Variants in INSL6 observed in about 807,000 individuals in gnomAD.
The protein encoded by INSL6 is insulin like 6.
Under a neutral mutation model 9.4 loss-of-function variants are expected in INSL6, and 16 were observed. That is an observed-to-expected ratio of 1.70 (90% CI 1.15 to 2.59). The LOEUF is 2.59. Among genes scored for constraint, INSL6 ranks in the 30% most tolerant of loss-of-function variants. The probability of loss-of-function intolerance (pLI) is 0.00; values close to 1 mark genes in which losing one functional copy is unlikely to be tolerated. For synonymous variants in INSL6, 154 were observed against 96.9 expected, an observed-to-expected ratio of 1.59 and a Z score of -3.46; for missense variants, 391 against 257.3, an observed-to-expected ratio of 1.52 and a Z score of -3.56.
the INSL6 span, among the ~76,000 whole-genome samples, chr9:5,093,548 A>G: frequency 6.6e-6 from 1 of 152,214 alleles, no homozygotes; most frequent in Non-Finnish European, 1.5e-5. Context: ...ACTTTAATTC[A>G]TTAATGCAAA....
chr9:5,077,016 G>C, the INSL6 span, among the ~76,000 whole-genome samples: 1 of 151,852 alleles, frequency 6.6e-6, no homozygotes, highest in Admixed American at 6.6e-5. Context: ...ATTAAATGGA[G>C]CTAGAACTCA....
chr9:5,006,568 C>T, the INSL6 span, among the ~76,000 whole-genome samples: 2 of 152,072 alleles, frequency 1.3e-5, no homozygotes, highest in Admixed American at 6.5e-5. Context: ...CTGGGAAGGC[C>T]TCAGGAAATT....
At chr9:5,017,802 TTTG>T in the INSL6 span, among the ~76,000 whole-genome samples, 140 of 152,306 alleles carry the variant, frequency 9.2e-4, no homozygotes, top group African/African-American at 3.2e-3. Context: ...ATTGCCAGGT[TTTG>T]TTGTTGTTGT....
At chr9:5,022,005 T>A in the INSL6 span, 4 of 1,613,742 alleles carry the variant, frequency 2.5e-6, no homozygotes, top group Non-Finnish European at 3.4e-6. Flanking sequence ...TGGCCTGCCT[T>A]ACGATGACAG....
chr9:5,135,833 G>A (rs1282542286), intron 2 of INSL6, among the ~76,000 whole-genome samples: 1 of 151,878 alleles, frequency 6.6e-6, no homozygotes, highest in Non-Finnish European at 1.5e-5. Flanking sequence ...ATGAATCCAG[G>A]AGCTGGTTTT....
the INSL6 span, chr9:5,078,196 A>G: frequency 1.2e-6 from 1 of 838,934 alleles, no homozygotes; most frequent in African/African-American, 1.7e-5. Flanking sequence ...CCAAATTATT[A>G]TACTATCATG....
downstream of INSL6, among the ~76,000 whole-genome samples, chr9:5,119,183 A>T (rs1042134510): frequency 2.0e-5 from 3 of 152,200 alleles, no homozygotes; most frequent in African/African-American, 7.2e-5. Flanking sequence ...GCCAGGCATC[A>T]AACAAATCAC....
the INSL6 span, among the ~76,000 whole-genome samples, chr9:5,000,708 C>T: frequency 0.084 from 12,766 of 151,928 alleles, 1,553 homozygotes; most frequent in African/African-American, 0.28. Context: ...GTAATTTCTC[C>T]GGTGTCTTAA....
chr9:5,023,074 T>C, the INSL6 span, among the ~76,000 whole-genome samples: 8 of 152,254 alleles, frequency 5.3e-5, no homozygotes, highest in Non-Finnish European at 2.9e-5. Flanking sequence ...TTAACTATAG[T>C]CACCCTACTC....
chr9:5,097,455 A>T, the INSL6 span: 1 of 152,146 alleles, frequency 6.6e-6, no homozygotes, highest in African/African-American at 2.4e-5. Context: ...AAAAGGAGCC[A>T]TTTGGGTATA....
intron 1 of INSL6, among the ~76,000 whole-genome samples, chr9:5,169,050 C>A (rs548497431): frequency 6.6e-6 from 1 of 152,244 alleles, no homozygotes; most frequent in Non-Finnish European, 1.5e-5. Context: ...CTCACCCTTC[C>A]CAAGTCCCTG....
At chr9:5,183,314 C>A (rs963693369) in intron 1 of INSL6, among the ~76,000 whole-genome samples, 3 of 152,152 alleles carry the variant, frequency 2.0e-5, no homozygotes, top group African/African-American at 7.2e-5. Flanking sequence ...TTTACTGTTA[C>A]ATAGTATTTC....
At chr9:4,992,471 A>G in the INSL6 span, among the ~76,000 whole-genome samples, 1 of 152,160 alleles carries the variant, frequency 6.6e-6, no homozygotes, top group African/African-American at 2.4e-5. Flanking sequence ...AAATAGTGTT[A>G]TGGCCATCTT....
intron 3 of INSL6, among the ~76,000 whole-genome samples, chr9:5,124,660 T>C (rs1040173426): frequency 6.6e-6 from 1 of 151,722 alleles, no homozygotes; most frequent in Non-Finnish European, 1.5e-5. Context: ...TCAAATTATA[T>C]TATAAGGCTA....
chr9:5,154,783 A>T (rs1297688573), intron 2 of INSL6, among the ~76,000 whole-genome samples: 5 of 152,208 alleles, frequency 3.3e-5, no homozygotes, highest in African/African-American at 4.8e-5. Context: ...AGATACCATC[A>T]CACACCAGTT....
the INSL6 span, among the ~76,000 whole-genome samples, chr9:5,018,525 C>A: frequency 6.6e-6 from 1 of 151,978 alleles, no homozygotes; most frequent in Non-Finnish European, 1.5e-5. Context: ...TTTTCGTAGA[C>A]ATGGGGTTTT....
intron 1 of INSL6, among the ~76,000 whole-genome samples, chr9:5,169,207 T>A (rs865807601): frequency 1.3e-5 from 2 of 152,228 alleles, no homozygotes; most frequent in Non-Finnish European, 2.9e-5. Flanking sequence ...ATTACAGGCA[T>A]GAGCCACTGC....
the INSL6 span, chr9:5,041,326 C>T: frequency 3.4e-5 from 25 of 732,254 alleles, no homozygotes; most frequent in African/African-American, 4.0e-4. Flanking sequence ...GCAGCCAGCA[C>T]AAGAGCTTGA....
the INSL6 span, chr9:5,041,645 C>G: frequency 2.0e-6 from 1 of 505,704 alleles, no homozygotes; most frequent in African/African-American, 2.0e-5. Context: ...AGAAGCTCGA[C>G]TACGACTACC....
Sources: gnomAD v4.1 joint callset for allele counts (sites outside exome capture counted in the v4.1 genomes callset) on GRCh38, gnomAD v4.1.1 for gene constraint, MANE v1.5 for transcripts, NCBI Gene and HGNC (gene_info 2026-07-23, HGNC 2026-07-21) for gene names.